The following NLGN1 variants were observed in gnomAD, a reference collection of about 807,000 sequenced individuals.
NLGN1 encodes the protein neuroligin 1.
NLGN1 carries 12 observed loss-of-function variants against 65.5 expected under a neutral mutation model. The ratio of observed to expected loss-of-function variants is 0.18; its 90% CI spans 0.12 to 0.30. NLGN1 has a LOEUF of 0.30. NLGN1 is among the 10% of genes least tolerant of loss of function. The pLI, the probability that NLGN1 is intolerant of heterozygous loss-of-function variation, is 1.00. For synonymous variants in NLGN1, 350 were observed against 359.5 expected (o/e 0.97, Z 0.30); for missense variants, 750 against 1,007.1 (o/e 0.74, Z 3.46).
intron 2 of NLGN1, among the ~76,000 whole-genome samples, chr3:173,491,885 A>C (rs1315556033): frequency 6.6e-6 from 1 of 151,728 alleles, no homozygotes; most frequent in Non-Finnish European, 1.5e-5. Context: ...CCCCTGAACT[A>C]TGCCATTAAT....
intron 4 of NLGN1, among the ~76,000 whole-genome samples, chr3:173,844,514 T>C (rs1270212806): frequency 6.6e-6 from 1 of 152,152 alleles, no homozygotes; most frequent in Non-Finnish European, 1.5e-5. Flanking sequence ...GCATAATTAA[T>C]AGAACACATT....
intron 3 of NLGN1, among the ~76,000 whole-genome samples, chr3:173,757,137 T>C (rs1777258068): frequency 6.6e-6 from 1 of 151,944 alleles, no homozygotes; most frequent in African/African-American, 2.4e-5. Context: ...CTAAGAAAAA[T>C]GGACATTTTT....
intron 3 of NLGN1, among the ~76,000 whole-genome samples, chr3:173,642,440 T>G (rs1226921984): frequency 1.3e-5 from 2 of 152,076 alleles, no homozygotes; most frequent in Non-Finnish European, 2.9e-5. Flanking sequence ...GCACCATGAT[T>G]AAAACATGCA....
intron 4 of NLGN1, among the ~76,000 whole-genome samples, chr3:174,253,099 A>C (rs551136493): frequency 6.6e-6 from 1 of 152,296 alleles, no homozygotes; most frequent in African/African-American, 2.4e-5. Context: ...AGTAGCTACA[A>C]ATTGATGTAG....
chr3:174,041,865 C>G (rs1732387067), intron 4 of NLGN1, among the ~76,000 whole-genome samples: 1 of 152,110 alleles, frequency 6.6e-6, no homozygotes, highest in Non-Finnish European at 1.5e-5. Flanking sequence ...ACCAGCCTGA[C>G]CAACATGGTG....
intron 2 of NLGN1, among the ~76,000 whole-genome samples, chr3:173,572,525 G>T (rs1744816212): frequency 6.6e-6 from 1 of 152,198 alleles, no homozygotes; most frequent in Admixed American, 6.5e-5. Flanking sequence ...ATTTCTGGAT[G>T]AAGAATCTTG....
intron 3 of NLGN1, among the ~76,000 whole-genome samples, chr3:173,804,502 ATGCCCC>A (rs1716174795): frequency 6.6e-6 from 1 of 152,082 alleles, no homozygotes; most frequent in Admixed American, 6.6e-5. Context: ...CAGAAGATAA[ATGCCCC>A]CTTCAACATT....
chr3:174,213,946 T>G (rs1737144184), intron 4 of NLGN1, among the ~76,000 whole-genome samples: 1 of 152,182 alleles, frequency 6.6e-6, no homozygotes, highest in Admixed American at 6.5e-5. Context: ...ATTATTTGCC[T>G]TAAAGGGCTT....
intron 3 of NLGN1, among the ~76,000 whole-genome samples, chr3:173,650,924 AT>A (rs71856605): frequency 0.052 from 7,390 of 143,024 alleles, 300 homozygotes; most frequent in African/African-American, 0.11. Flanking sequence ...TTGCCTGTTT[AT>A]TTTTTTTTTT....
intron 1 of NLGN1, among the ~76,000 whole-genome samples, chr3:173,410,549 A>G (rs940150838): frequency 1.2e-4 from 18 of 152,176 alleles, no homozygotes; most frequent in African/African-American, 4.1e-4. Flanking sequence ...TCACTAGCAC[A>G]TGGAAGGAGG....
At chr3:173,490,878 T>C (rs1729017880) in intron 2 of NLGN1, among the ~76,000 whole-genome samples, 1 of 152,086 alleles carries the variant, frequency 6.6e-6, no homozygotes, top group African/African-American at 2.4e-5. Context: ...AGTTCATTCA[T>C]GATTTGGCTC....
intron 4 of NLGN1, among the ~76,000 whole-genome samples, chr3:174,181,972 G>T: frequency 9.2e-6 from 1 of 108,516 alleles, no homozygotes. Context: ...TTGAGACTTG[G>T]TGTCAAAAAA....
At position 173,975,451 on chromosome 3, in the gene NLGN1, C is replaced by T. The variant is rs147712202; in HGVS notation, c.646+167619C>T. Among the ~76,000 whole-genome samples, 93 of 151,796 alleles carry T rather than the reference C, an allele frequency of 6.1e-4. 1 individual carries two copies. The highest frequency in any genetic ancestry group is 1.6e-3 in the African/African-American group (66 of 41,374). On this transcript the variant is annotated intron_variant, in intron 4 of 6. Transcript: ENST00000457714. Reference sequence around the variant, plus strand: ...GTTGACAGTTTGGTGCTGTGCAAACCGAGGGATAATATTGATCACAGAACA... The same window carrying T: ...GTTGACAGTTTGGTGCTGTGCAAACTGAGGGATAATATTGATCACAGAACA...
chr3:174,226,290 C>G (rs78164560), intron 4 of NLGN1, among the ~76,000 whole-genome samples: 2,751 of 152,218 alleles, frequency 0.018, 107 homozygotes, highest in African/African-American at 0.063. Context: ...GCTACTCCCC[C>G]TACCCCCTTA....
chr3:173,979,941 C>G (rs1055689810), intron 4 of NLGN1, among the ~76,000 whole-genome samples: 1 of 152,022 alleles, frequency 6.6e-6, no homozygotes, highest in African/African-American at 2.4e-5. Flanking sequence ...GTATTTATAT[C>G]TCTGTGGTTA....
intron 4 of NLGN1, among the ~76,000 whole-genome samples, chr3:174,187,356 T>C (rs557552558): frequency 3.3e-5 from 5 of 152,136 alleles, no homozygotes; most frequent in African/African-American, 1.2e-4. Context: ...GTTTTGTCTC[T>C]GGATTATTGA....
At chr3:173,923,950 T>C (rs938948264) in intron 4 of NLGN1, among the ~76,000 whole-genome samples, 2 of 152,096 alleles carry the variant, frequency 1.3e-5, no homozygotes, top group Non-Finnish European at 2.9e-5. Context: ...CTTCTTCCAT[T>C]CTCATTTACT....
chr3:173,766,982 A>G (rs975609945), intron 3 of NLGN1, among the ~76,000 whole-genome samples: 5 of 152,170 alleles, frequency 3.3e-5, no homozygotes, highest in Admixed American at 3.3e-4. Flanking sequence ...TCCTAAAATT[A>G]TCTCCTTCAC....
intron 2 of NLGN1, among the ~76,000 whole-genome samples, chr3:173,567,846 G>A (rs1184489721): frequency 6.6e-6 from 1 of 151,952 alleles, no homozygotes; most frequent in Non-Finnish European, 1.5e-5. Flanking sequence ...GTAGAGGAAA[G>A]GGAAAATATT....
Sources: allele counts gnomAD v4.1 joint callset (sites outside exome capture counted in the v4.1 genomes callset), GRCh38; gene constraint gnomAD v4.1.1; transcripts MANE v1.5; gene names NCBI Gene and HGNC (gene_info 2026-07-23, HGNC 2026-07-21).